Variants in RBFOX3 observed in about 807,000 individuals in gnomAD.
The protein encoded by RBFOX3 is RNA binding fox-1 homolog 3.
A neutral mutation model predicts 48.7 loss-of-function variants in RBFOX3; 17 were observed. That is an observed-to-expected ratio of 0.35 (90% CI 0.24 to 0.52). The LOEUF is 0.52. Among genes scored for constraint, RBFOX3 ranks in the 20% least tolerant of loss-of-function variants. RBFOX3 has a pLI of 0.94. For synonymous variants in RBFOX3, 212 were observed against 209.5 expected, an observed-to-expected ratio of 1.01 and a Z score of -0.10; for missense variants, 382 against 497.5, an observed-to-expected ratio of 0.77 and a Z score of 2.21.
intron 4 of RBFOX3, among the ~76,000 whole-genome samples, chr17:79,118,715 G>A (rs1258245325): frequency 6.6e-6 from 1 of 151,988 alleles, no homozygotes; most frequent in African/African-American, 2.4e-5. Context: ...GCTTATTCCT[G>A]TAATCCCAGC....
At chr17:79,271,469 G>A (rs1330707777) in intron 3 of RBFOX3, among the ~76,000 whole-genome samples, 17 of 152,256 alleles carry the variant, frequency 1.1e-4, no homozygotes, top group Admixed American at 1.0e-3. Context: ...TGTGCCTGCC[G>A]GACTCAAGCT....
intron 3 of RBFOX3, among the ~76,000 whole-genome samples, chr17:79,277,230 C>T (rs2069065938): frequency 6.8e-6 from 1 of 148,104 alleles, no homozygotes; most frequent in African/African-American, 2.5e-5. Flanking sequence ...GGTTCTGCCC[C>T]ACCTGCCTGG....
chr17:79,657,541 T>C, the RBFOX3 span, among the ~76,000 whole-genome samples: 1 of 152,182 alleles, frequency 6.6e-6, no homozygotes, highest in Non-Finnish European at 1.5e-5. Context: ...TAGCCAAGCA[T>C]GGTGGCAGGC....
In RBFOX3 at chr17:79,473,540, C is replaced by G. The variant is rs112259272; in HGVS notation, c.-175+8914G>C. 3.7e-3 allele frequency among the ~76,000 whole-genome samples: 560 copies of G among 152,330 alleles called. 2 individuals carry two copies. The highest frequency in any genetic ancestry group is 0.013 in the African/African-American group (537 of 41,570). On this transcript the variant is annotated intron_variant, in intron 2 of 14. Coordinates refer to ENST00000693108, the MANE Select transcript of RBFOX3 (RefSeq NM_001350451.2). The surrounding 1 kb of genome is among the most constrained non-coding windows in gnomAD (Gnocchi z 4.2). Reference sequence around the variant, plus strand: ...ACTCCAGGCACACAGATGCCTCCCACAAGAAGTTGTGTTACGAGTGTATTA... The same window carrying G: ...ACTCCAGGCACACAGATGCCTCCCAGAAGAAGTTGTGTTACGAGTGTATTA...
chr17:79,197,701 CAG>C (rs1266933208), intron 4 of RBFOX3, among the ~76,000 whole-genome samples: 1 of 152,110 alleles, frequency 6.6e-6, no homozygotes, highest in Non-Finnish European at 1.5e-5. Context: ...GCCCAGAAAA[CAG>C]ATATTTCTTT....
At chr17:79,373,793 C>G (rs961589867) in intron 2 of RBFOX3, among the ~76,000 whole-genome samples, 1 of 152,152 alleles carries the variant, frequency 6.6e-6, no homozygotes, top group Non-Finnish European at 1.5e-5. Context: ...TCCTCCAGGG[C>G]AGGCTGAGCG....
At chr17:79,414,257 A>T (rs987312835) in intron 2 of RBFOX3, among the ~76,000 whole-genome samples, 5 of 152,134 alleles carry the variant, frequency 3.3e-5, no homozygotes, top group African/African-American at 1.2e-4. Context: ...GGGTAAAAAA[A>T]ATCACTGTAA....
chr17:79,314,033 G>C (rs1416254732), intron 2 of RBFOX3, among the ~76,000 whole-genome samples: 1 of 152,190 alleles, frequency 6.6e-6, no homozygotes, highest in Non-Finnish European at 1.5e-5. Context: ...AGAGGGCAGC[G>C]AGTGGTCACA....
At chr17:79,462,910 G>A (rs1197392704) in intron 2 of RBFOX3, among the ~76,000 whole-genome samples, 2 of 152,116 alleles carry the variant, frequency 1.3e-5, no homozygotes, top group African/African-American at 2.4e-5. Context: ...ATTCCAAGGT[G>A]GAGGAGAGAA....
At chr17:79,377,321 G>A (rs7218755) in intron 2 of RBFOX3, among the ~76,000 whole-genome samples, 13,097 of 152,076 alleles carry the variant, frequency 0.086, 1,860 homozygotes, top group African/African-American at 0.3. Flanking sequence ...ACGTGCACAC[G>A]GAGACACAGG....
At chr17:79,437,843 G>C (rs1280798508) in intron 2 of RBFOX3, among the ~76,000 whole-genome samples, 4 of 152,232 alleles carry the variant, frequency 2.6e-5, no homozygotes, top group Admixed American at 2.6e-4. Flanking sequence ...ATTTGTTCTA[G>C]TGCCTGACAT....
chr17:79,103,951 A>G lies in RBFOX3; in HGVS notation c.414+122T>C. 1.3e-6 allele frequency: 1 copy of G among 781,214 alleles called. No homozygotes were observed. 48.4% of individuals were successfully genotyped at this position (781,214 alleles called of 1,614,324 possible). A position where few individuals can be genotyped will look rare whatever the true frequency, so the allele number is the denominator to read the frequency against. ...GGGCGGAAGAGCGGGGAATACAAGC[A>G]CCCGTGTCGCTCAGGGGTCCTCGGG... is the stretch of plus-strand genomic sequence containing the variant. On this transcript the variant is annotated intron_variant, in intron 7 of 14. Transcript: ENST00000693108. The surrounding 1 kb of genome is among the most constrained non-coding windows in gnomAD (Gnocchi z 6.1).
intron 9 of RBFOX3, 40 bp downstream of exon 9, chr17:79,101,544 A>G: frequency 1.3e-6 from 2 of 1,523,578 alleles, no homozygotes; most frequent in Non-Finnish European, 1.8e-6. Context: ...TGTCCCAGCC[A>G]GTGACCCCAG....
At chr17:79,476,884 G>A (rs1322969550) in intron 2 of RBFOX3, among the ~76,000 whole-genome samples, 2 of 151,620 alleles carry the variant, frequency 1.3e-5, no homozygotes, top group African/African-American at 4.9e-5. Context: ...GAAAGAAGTA[G>A]GGGGAGAGAA....
At chr17:79,455,726 G>T (rs1296012819) in intron 2 of RBFOX3, among the ~76,000 whole-genome samples, 1 of 152,078 alleles carries the variant, frequency 6.6e-6, no homozygotes, top group Non-Finnish European at 1.5e-5. Flanking sequence ...CACAGCATCA[G>T]ACGGACGCAG....
At chr17:79,659,334 G>T in the RBFOX3 span, among the ~76,000 whole-genome samples, 2 of 152,212 alleles carry the variant, frequency 1.3e-5, no homozygotes, top group Non-Finnish European at 2.9e-5. Flanking sequence ...GTACCAGAGG[G>T]TATCTGGGTC....
At chr17:79,240,949 C>T (rs142764012) in intron 3 of RBFOX3, among the ~76,000 whole-genome samples, 67 of 151,532 alleles carry the variant, frequency 4.4e-4, no homozygotes, top group Non-Finnish European at 8.4e-4. Context: ...CAGGCATGAG[C>T]CACTGCGCCT....
intron 2 of RBFOX3, among the ~76,000 whole-genome samples, chr17:79,402,346 CT>C (rs1164429364): frequency 1.3e-5 from 2 of 152,222 alleles, no homozygotes; most frequent in Admixed American, 1.3e-4. Flanking sequence ...GGGAGAGACG[CT>C]TTCTGACAGC....
intron 1 of RBFOX3, among the ~76,000 whole-genome samples, chr17:79,512,864 C>T (rs1374514574): frequency 1.1e-4 from 16 of 144,472 alleles, no homozygotes; most frequent in African/African-American, 1.8e-4. Flanking sequence ...GGCCAGGGGA[C>T]GCACACCCGG....
Sources: allele counts gnomAD v4.1 joint callset (sites outside exome capture counted in the v4.1 genomes callset), GRCh38; gene constraint gnomAD v4.1.1; non-coding constraint Gnocchi (gnomAD v3.1); transcripts MANE v1.5; gene names NCBI Gene and HGNC (gene_info 2026-07-23, HGNC 2026-07-21).